ZHX2: variants seen among roughly 807,000 people sequenced by gnomAD.
ZHX2 encodes the protein zinc fingers and homeoboxes protein 2.
ZHX2 carries 6 observed loss-of-function variants against 21.9 expected under a neutral mutation model. That is an observed-to-expected ratio of 0.27 (90% CI 0.15 to 0.54). ZHX2 has a LOEUF of 0.54. Among genes scored for constraint, ZHX2 ranks in the 20% least tolerant of loss-of-function variants. ZHX2 has a pLI of 0.95. For synonymous variants in ZHX2, 434 were observed against 437.1 expected, an observed-to-expected ratio of 0.99 and a Z score of 0.09; for missense variants, 908 against 1,090.7, an observed-to-expected ratio of 0.83 and a Z score of 2.36.
chr8:122,811,520 G>A (rs1586582789), intron 1 of ZHX2, among the ~76,000 whole-genome samples: 3 of 152,348 alleles, frequency 2.0e-5, no homozygotes, highest in Non-Finnish European at 4.4e-5. Context: ...CCAGACAAGG[G>A]GAACTGGGAG....
chr8:122,862,464 G>A, intron 1 of ZHX2, among the ~76,000 whole-genome samples: 1 of 152,178 alleles, frequency 6.6e-6, no homozygotes, highest in Admixed American at 6.5e-5. Flanking sequence ...TCACCTGAAG[G>A]TCTTGTTAAA....
chr8:122,887,991 C>T (rs1427280781), intron 2 of ZHX2, among the ~76,000 whole-genome samples: 1 of 152,134 alleles, frequency 6.6e-6, no homozygotes, highest in Non-Finnish European at 1.5e-5. Context: ...CAGCCTCCTG[C>T]CGTGGGTGGT....
intron 2 of ZHX2, among the ~76,000 whole-genome samples, chr8:122,905,266 A>G (rs915623239): frequency 6.6e-6 from 1 of 152,266 alleles, no homozygotes; most frequent in African/African-American, 2.4e-5. Flanking sequence ...TTTGAAAACC[A>G]AAGACAGCCT....
At position 122,787,782 on chromosome 8, in the gene ZHX2, C is replaced by T. The variant is rs1252274060; in HGVS notation, c.-283+5836C>T. On this transcript the variant is annotated intron_variant, in intron 1 of 3. Coordinates refer to ENST00000314393, the MANE Select transcript of ZHX2 (RefSeq NM_014943.5). ...GAATGAGAGTTCCTGGGCTACAGCC[C>T]CTCCTTGTCCTGGTTGGATGCCTGC... Among the ~76,000 whole-genome samples, 5 of 152,288 alleles carry T rather than the reference C, an allele frequency of 3.3e-5. No individual in the cohort carries two copies. In the Middle Eastern group the frequency reaches 0.014, roughly 414 times the overall value.
intron 2 of ZHX2, among the ~76,000 whole-genome samples, chr8:122,940,533 C>T (rs560268075): frequency 1.2e-4 from 18 of 152,242 alleles, no homozygotes; most frequent in South Asian, 4.1e-4. Context: ...ACACAGCAGG[C>T]GGCGTGAAGC....
At chr8:122,792,074 C>T (rs1216814330) in intron 1 of ZHX2, among the ~76,000 whole-genome samples, 2 of 152,136 alleles carry the variant, frequency 1.3e-5, no homozygotes, top group Non-Finnish European at 2.9e-5. Flanking sequence ...GACTTTAGAA[C>T]ATTTTTATCA....
intron 3 of ZHX2, among the ~76,000 whole-genome samples, chr8:122,969,788 T>C (rs1038115159): frequency 6.6e-6 from 1 of 152,212 alleles, no homozygotes; most frequent in Admixed American, 6.5e-5. Flanking sequence ...TCCTTTCTCC[T>C]GGAGTGCAGT....
At position 122,973,871 on chromosome 8, in the gene ZHX2, T is replaced by C. The variant is rs1427887881; in HGVS notation, c.*634T>C. On this transcript the variant is annotated 3_prime_UTR_variant, in exon 4 of 4. Transcript: ENST00000314393. Reference sequence around the variant, plus strand: ...CCAAATCAAATTCCTTTCCAGTTCTTCCCCTGGCTGCCTTTTTGGGGGTCC... The same window carrying C: ...CCAAATCAAATTCCTTTCCAGTTCTCCCCCTGGCTGCCTTTTTGGGGGTCC... The C allele has an allele frequency of 1.3e-5, 2 of 152,586 alleles. No individual in the cohort carries two copies. The highest frequency in any genetic ancestry group is 2.9e-5 in the Non-Finnish European group (2 of 68,034). 9.5% of individuals were successfully genotyped at this position (152,586 alleles called of 1,614,324 possible).
chr8:122,889,479 C>T (rs529512009), intron 2 of ZHX2, among the ~76,000 whole-genome samples: 2 of 152,140 alleles, frequency 1.3e-5, no homozygotes, highest in African/African-American at 2.4e-5. Context: ...TAATGATTCA[C>T]GATGTTGAGC....
intron 2 of ZHX2, among the ~76,000 whole-genome samples, chr8:122,888,678 T>C (rs1439036708): frequency 6.6e-6 from 1 of 152,218 alleles, no homozygotes; most frequent in Non-Finnish European, 1.5e-5. Flanking sequence ...AGACAGGGTT[T>C]CACCATGTTG....
chr8:122,886,196 A>G (rs544443837), intron 2 of ZHX2, among the ~76,000 whole-genome samples: 1 of 152,388 alleles, frequency 6.6e-6, no homozygotes, highest in East Asian at 1.9e-4. Context: ...AGAAACCTTC[A>G]ATGCATATTG....
Position 122,782,157 on chromosome 8 carries a change from G to A in ZHX2, c.-283+211G>A, listed in dbSNP as rs1817301950. 1.3e-5 allele frequency among the ~76,000 whole-genome samples: 2 copies of A among 152,094 alleles called. No homozygotes were observed. ...GGGTGTGCAGGCTCTTTTTGCGGGT[G>A]GGAGGAAATGAGCGGATACAGAGAG... On this transcript the variant is annotated intron_variant, in intron 1 of 3. Transcript: ENST00000314393. This position sits in a 1 kb window ranked among gnomAD's most constrained non-coding sequence, Gnocchi z 5.3.
In ZHX2 at chr8:122,952,270, C is replaced by T; in HGVS notation, c.760C>T (p.Leu254Phe). ...TGTACAGCTGCCACCAAATATCAAC[C>T]TTGTGCCCAAGGTCCCTGTCCCACT... ...PSVQLPPNIN[L>F]VPKVPVPLNT... The change falls in exon 3 of 4, where the codon CTT (leucine) becomes TTT (phenylalanine). Residue 254 changes from leucine to phenylalanine, a missense_variant. Coordinates refer to ENST00000314393, the MANE Select transcript of ZHX2 (RefSeq NM_014943.5). The surrounding 1 kb of genome is among the most constrained non-coding windows in gnomAD (Gnocchi z 6.9). 1.2e-6 allele frequency: 2 copies of T among 1,614,132 alleles called. No homozygotes were observed. The highest frequency in any genetic ancestry group is 1.7e-6 in the Non-Finnish European group (2 of 1,180,018).
At chr8:122,862,740 A>G (rs1193000223) in intron 1 of ZHX2, among the ~76,000 whole-genome samples, 2 of 152,174 alleles carry the variant, frequency 1.3e-5, no homozygotes, top group Non-Finnish European at 2.9e-5. Flanking sequence ...ACAAGAAAAA[A>G]CAAGTTTGGC....
chr8:122,844,881 A>G (rs775694639), intron 1 of ZHX2, among the ~76,000 whole-genome samples: 15 of 152,260 alleles, frequency 9.9e-5, no homozygotes, highest in Non-Finnish European at 1.8e-4. Flanking sequence ...AAGTTAGAAC[A>G]TAAGACATGA....
intron 2 of ZHX2, among the ~76,000 whole-genome samples, chr8:122,894,279 A>G (rs536772546): frequency 1.8e-4 from 28 of 152,286 alleles, no homozygotes; most frequent in African/African-American, 6.3e-4. Context: ...AGAATAAATT[A>G]CCCTGTACCA....
chr8:122,838,598 A>G (rs1818555316), intron 1 of ZHX2, among the ~76,000 whole-genome samples: 1 of 124,906 alleles, frequency 8.0e-6, no homozygotes, highest in South Asian at 2.6e-4. Context: ...TTTTTTTGAG[A>G]CAGAGTTCAC....
intron 2 of ZHX2, among the ~76,000 whole-genome samples, chr8:122,891,019 T>A (rs1191003706): frequency 6.6e-6 from 1 of 152,158 alleles, no homozygotes; most frequent in African/African-American, 2.4e-5. Flanking sequence ...TGTTGTTGTA[T>A]CCTTGTCTGG....
At chr8:122,853,669 C>T (rs1440519167) in intron 1 of ZHX2, among the ~76,000 whole-genome samples, 1 of 152,054 alleles carries the variant, frequency 6.6e-6, no homozygotes, top group Non-Finnish European at 1.5e-5. Context: ...TCATACTCTC[C>T]CACCCTTCTC....
Sources: allele counts gnomAD v4.1 joint callset (sites outside exome capture counted in the v4.1 genomes callset), GRCh38; gene constraint gnomAD v4.1.1; non-coding constraint Gnocchi (gnomAD v3.1); transcripts MANE v1.5; gene names NCBI Gene and HGNC (gene_info 2026-07-23, HGNC 2026-07-21).